LTBP1: variants seen among roughly 807,000 people sequenced by gnomAD.
LTBP1 encodes latent transforming growth factor beta binding protein 1.
In LTBP1, 129 loss-of-function variants were observed where a neutral mutation model predicts 207.6. That is an observed-to-expected ratio of 0.62 (90% CI 0.54 to 0.72). The LOEUF (loss-of-function observed/expected upper bound fraction) is 0.72, where lower values mean the gene tolerates loss of function less well. Ranked by LOEUF, LTBP1 falls within the 30% of genes least tolerant of loss-of-function variation. The pLI, the probability that LTBP1 is intolerant of heterozygous loss-of-function variation, is 0.00. For missense variants in LTBP1, 2,281 were observed against 2,217.2 expected, an observed-to-expected ratio of 1.03 and a Z score of -0.58; for synonymous variants, 963 against 833.7, an observed-to-expected ratio of 1.16 and a Z score of -2.67.
chr2:33,108,284 G>A (rs1163424659), intron 3 of LTBP1, among the ~76,000 whole-genome samples: 2 of 152,052 alleles, frequency 1.3e-5, no homozygotes, highest in South Asian at 2.1e-4. Context: ...CCTCATGGGG[G>A]GAAGCGGGAG....
intron 26 of LTBP1, among the ~76,000 whole-genome samples, chr2:33,354,683 TACACACACACACACACAC>T (rs71409608): frequency 2.6e-4 from 36 of 139,770 alleles, no homozygotes; most frequent in East Asian, 1.0e-3. Context: ...ACTAAAACTA[TACACACACACACACACAC>T]ACACACACAC....
chr2:33,249,323 T>TCACA (rs61249844), intron 10 of LTBP1, among the ~76,000 whole-genome samples: 29,766 of 141,068 alleles, frequency 0.21, 3,209 homozygotes, highest in Admixed American at 0.27. Flanking sequence ...GTCTGATTTT[T>TCACA]CACACACACA....
At chr2:33,165,713 T>C (rs571656550) in intron 5 of LTBP1, among the ~76,000 whole-genome samples, 1 of 152,360 alleles carries the variant, frequency 6.6e-6, no homozygotes, top group East Asian at 1.9e-4. Context: ...ATCATTATTA[T>C]TATCATTATT....
chr2:33,295,558 A>T (rs1326560618), intron 20 of LTBP1, among the ~76,000 whole-genome samples: 1 of 152,118 alleles, frequency 6.6e-6, no homozygotes, highest in Admixed American at 6.5e-5. Flanking sequence ...TAATAATAAT[A>T]ATAAATATGT....
rs56246215 is a variant in LTBP1, at chr2:32,971,002, T to TTGTGTG, written c.565+22093_565+22098dup. Among the ~76,000 whole-genome samples the TTGTGTG allele has an allele frequency of 1.2e-3, 165 of 142,628 alleles. 1 individual carries two copies. Among genetic ancestry groups the TTGTGTG allele is most frequent in the African/African-American group, 2.6e-3 (100 of 38,122 alleles). 93.6% of individuals were successfully genotyped at this position (142,628 alleles called of 152,430 possible). ...CCTGGTTAGCTGTATTCCTAGGTATTTGTGTGTGTGTGTGTGTGTGTGTGT... is the reference window on the plus strand; with the variant it reads ...CCTGGTTAGCTGTATTCCTAGGTATTTGTGTGTGTGTGTGTGTGTGTGTGTGTGTGT... On this transcript the variant is annotated intron_variant, in intron 2 of 33. Coordinates refer to ENST00000404816, the MANE Select transcript of LTBP1 (RefSeq NM_206943.4).
intron 7 of LTBP1, among the ~76,000 whole-genome samples, chr2:33,209,241 A>G (rs2090114710): frequency 6.6e-6 from 1 of 152,130 alleles, no homozygotes; most frequent in Admixed American, 6.6e-5. Flanking sequence ...ACAAGAAACC[A>G]TTGCTATCTA....
intron 3 of LTBP1, among the ~76,000 whole-genome samples, chr2:33,065,303 C>A (rs912840489): frequency 6.6e-6 from 1 of 152,146 alleles, no homozygotes; most frequent in Non-Finnish European, 1.5e-5. Flanking sequence ...TACCTGTAAT[C>A]CCAGCTTTGG....
intron 5 of LTBP1, among the ~76,000 whole-genome samples, chr2:33,174,863 A>G (rs13393874): frequency 0.032 from 4,880 of 151,732 alleles, 217 homozygotes; most frequent in African/African-American, 0.11. Flanking sequence ...CATATCTACA[A>G]CTATCTGATC....
Position 32,947,787 on chromosome 2 carries a change from C to A in LTBP1, c.463C>A (p.Leu155Met), listed in dbSNP as rs571184242. The A allele has an allele frequency of 9.4e-6, 14 of 1,487,324 alleles. No individual in the cohort carries two copies. In the Admixed American group the frequency reaches 2.2e-4, roughly 23 times the overall value. The allele number at this position is 1,487,324 out of a possible 1,614,324, so 92.1% of individuals were successfully genotyped here. The change falls in exon 1 of 34, where the codon CTG (leucine) becomes ATG (methionine). Residue 155 changes from leucine to methionine, a missense_variant. By Grantham distance (15) the Leu-to-Met change is conservative. Transcript: ENST00000404816. ...GACCCAGAGCGGCGGAGGCTCTAGG[C>A]TGCAGGTTCACCAGAAGCAGCAGCT... is the stretch of plus-strand genomic sequence containing the variant. ...QETQSGGGSR[L>M]QVHQKQQLQG...
chr2:33,092,827 A>G lies in LTBP1; in HGVS notation c.864-17755A>G, dbSNP rs2079174158. 2.0e-5 allele frequency among the ~76,000 whole-genome samples: 3 copies of G among 152,128 alleles called. No individual in the cohort carries two copies. In the South Asian group the frequency reaches 6.2e-4, roughly 32 times the overall value. On this transcript the variant is annotated intron_variant, in intron 3 of 33. Transcript: ENST00000404816. The stretch of plus-strand genomic sequence containing the variant: ...CATTTCCATGACCCTAAATTCTCAA[A>G]TTCTTCTGACCACCTCTCTTCCCCA...
chr2:33,060,442 C>T (rs1423420455), intron 3 of LTBP1, among the ~76,000 whole-genome samples: 1 of 151,590 alleles, frequency 6.6e-6, no homozygotes, highest in Non-Finnish European at 1.5e-5. Context: ...TTATGGAGGA[C>T]AATTTAAGCC....
chr2:33,107,383 C>T (rs1306979404), intron 3 of LTBP1, among the ~76,000 whole-genome samples: 1 of 152,110 alleles, frequency 6.6e-6, no homozygotes, highest in African/African-American at 2.4e-5. Context: ...AATCTCTTTA[C>T]AGATTTGTTG....
Position 33,398,719 on chromosome 2 carries a change from T to A in LTBP1, c.*174T>A. 1.9e-6 allele frequency: 1 copy of A among 537,502 alleles called. No individual in the cohort carries two copies. Among genetic ancestry groups the A allele is most frequent in the Non-Finnish European group, 3.2e-6 (1 of 315,812 alleles). The allele number at this position is 537,502 out of a possible 1,614,324, so 33.3% of individuals were successfully genotyped here. A position where few individuals can be genotyped will look rare whatever the true frequency, so the allele number is the denominator to read the frequency against. On this transcript the variant is annotated 3_prime_UTR_variant, in exon 34 of 34. Coordinates refer to ENST00000404816, the MANE Select transcript of LTBP1 (RefSeq NM_206943.4). ...GGATTTAGGATGAGCCCGATAGGTGTGGCAGACCAAATGGACATTTCTCTA... is the reference window on the plus strand; with the variant it reads ...GGATTTAGGATGAGCCCGATAGGTGAGGCAGACCAAATGGACATTTCTCTA...
At chr2:33,119,715 G>A (rs547667626) in intron 4 of LTBP1, among the ~76,000 whole-genome samples, 3 of 152,028 alleles carry the variant, frequency 2.0e-5, no homozygotes, top group Middle Eastern at 3.2e-3. Flanking sequence ...CTGCCACCAC[G>A]CCTGGCTAAT....
intron 7 of LTBP1, among the ~76,000 whole-genome samples, chr2:33,193,887 CACA>C (rs1317741108): frequency 4.6e-5 from 7 of 152,166 alleles, no homozygotes; most frequent in Admixed American, 4.6e-4. Context: ...TTGGCTGAAA[CACA>C]ACAATATTGA....
chr2:33,005,023 A>G (rs966062414), intron 2 of LTBP1, among the ~76,000 whole-genome samples: 2 of 151,960 alleles, frequency 1.3e-5, no homozygotes, highest in African/African-American at 4.8e-5. Flanking sequence ...TATTAATCAT[A>G]TCTGTGCTGA....
At chr2:33,270,571 C>G (rs533305964) in intron 15 of LTBP1, among the ~76,000 whole-genome samples, 8 of 112,306 alleles carry the variant, frequency 7.1e-5, no homozygotes, top group African/African-American at 2.9e-4. Context: ...GCCTGGGTGA[C>G]AGAGCAAGAC....
intron 3 of LTBP1, among the ~76,000 whole-genome samples, chr2:33,109,069 C>T (rs1367448408): frequency 1.3e-5 from 2 of 152,308 alleles, no homozygotes; most frequent in East Asian, 3.9e-4. Context: ...AAGGGGTAGA[C>T]CCAGATTACT....
At chr2:32,998,034 C>T (rs879455989) in intron 2 of LTBP1, among the ~76,000 whole-genome samples, 8 of 152,156 alleles carry the variant, frequency 5.3e-5, no homozygotes, top group Non-Finnish European at 1.0e-4. Flanking sequence ...AGGCTTATTG[C>T]ATTTGCAGGA....
Sources: gnomAD v4.1 joint callset for allele counts (sites outside exome capture counted in the v4.1 genomes callset) on GRCh38, gnomAD v4.1.1 for gene constraint, MANE v1.5 for transcripts, NCBI Gene and HGNC (gene_info 2026-07-23, HGNC 2026-07-21) for gene names.